Variants in ZNF592 observed in about 807,000 individuals in gnomAD.
ZNF592 encodes spinocerebellar ataxia, autosomal recessive 5.
In ZNF592, 11 loss-of-function variants were observed where a neutral mutation model predicts 80.3. The ratio of observed to expected loss-of-function variants is 0.14; its 90% CI spans 0.09 to 0.23. The LOEUF is 0.23. Ranked by LOEUF, ZNF592 falls within the 10% of genes least tolerant of loss-of-function variation. The pLI is 1.00. For synonymous variants in ZNF592, 646 were observed against 640.3 expected (o/e 1.01, Z -0.13); for missense variants, 1,420 against 1,633.9 (o/e 0.87, Z 2.26).
intron 1 of ZNF592, among the ~76,000 whole-genome samples, chr15:84,760,923 C>G (rs1899331385): frequency 6.6e-6 from 1 of 152,052 alleles, no homozygotes; most frequent in Non-Finnish European, 1.5e-5. Context: ...TTTTTGAAAG[C>G]CTGGCCCAGG....
At chr15:84,782,540 A>G (rs768159740) in intron 3 of ZNF592, 117 bp from the exon 4 acceptor site, 85 of 960,084 alleles carry the variant, frequency 8.9e-5, no homozygotes, top group Non-Finnish European at 2.5e-5. Context: ...CTGTCATAGT[A>G]TGTGGGGTTC....
rs374744820 is a variant in ZNF592 at position 84,802,306 on chromosome 15, C to T, written c.3717C>T (p.Ala1239=). 5.6e-6 allele frequency: 9 copies of T among 1,613,460 alleles called. No individual in the cohort carries two copies. The African/African-American group carries it at 1.2e-4, about 22-fold the overall frequency. ...AGGCGAGGAGATTGCTGGGCCCGGCCCCTGAGGACGATGGTGGCCACAATG... is the reference window on the plus strand; with the variant it reads ...AGGCGAGGAGATTGCTGGGCCCGGCTCCTGAGGACGATGGTGGCCACAATG... ...DPEARRLLGP[A]PEDDGGHNDH... The change falls in exon 11 of 11, where the codon GCC becomes GCT. Residue 1239 remains alanine, a synonymous_variant. Transcript: ENST00000560079.
At chr15:84,789,949 A>G (rs1023726999) in intron 4 of ZNF592, among the ~76,000 whole-genome samples, 17 of 152,218 alleles carry the variant, frequency 1.1e-4, no homozygotes, top group Middle Eastern at 3.4e-3. Context: ...TGCCCATCAG[A>G]GCGTAATTAG....
At chr15:84,775,850 G>C (rs1430172776) in intron 2 of ZNF592, among the ~76,000 whole-genome samples, 3 of 152,096 alleles carry the variant, frequency 2.0e-5, no homozygotes, top group African/African-American at 7.2e-5. Context: ...TAAATGTTTG[G>C]TAAAATTTTC....
chr15:84,762,224 A>C (rs1405235134), intron 1 of ZNF592, among the ~76,000 whole-genome samples: 2 of 152,242 alleles, frequency 1.3e-5, no homozygotes, highest in South Asian at 2.1e-4. Flanking sequence ...GTTTGTATGC[A>C]TTTATAGATA....
Position 84,804,441 on chromosome 15 carries a change from A to C in ZNF592, c.*2048A>C, listed in dbSNP as rs1329546982. 4 of 152,224 alleles carry C rather than the reference A, an allele frequency of 2.6e-5. No homozygotes were observed. Among genetic ancestry groups the C allele is most frequent in the African/African-American group, 4.8e-5 (2 of 41,454 alleles). 9.4% of individuals were successfully genotyped at this position (152,224 alleles called of 1,614,324 possible). A position where few individuals can be genotyped will look rare whatever the true frequency, so the allele number is the denominator to read the frequency against. On this transcript the variant is annotated 3_prime_UTR_variant, in exon 11 of 11. Transcript: ENST00000560079. ...TTGACCACCTGTCGTGACCCCAGAT[A>C]TACATCTCCTTCCTGGGAAGAACGT...
At position 84,805,138 on chromosome 15, in the gene ZNF592, AC is replaced by A. The variant is rs759705342; in HGVS notation, c.*2749del. The A allele has an allele frequency of 1.3e-5, 2 of 152,100 alleles. No individual in the cohort carries two copies. Among genetic ancestry groups the A allele is most frequent in the Non-Finnish European group, 2.9e-5 (2 of 68,034 alleles). 9.4% of individuals were successfully genotyped at this position (152,100 alleles called of 1,614,324 possible). Reference sequence around the variant, plus strand: ...CTTTGGAGTCCATCTGTGCCTTGTCACCCCAAGGAGGGCCTCGAGCATCACA... The same window carrying A: ...CTTTGGAGTCCATCTGTGCCTTGTCACCCAAGGAGGGCCTCGAGCATCACA... On this transcript the variant is annotated 3_prime_UTR_variant, in exon 11 of 11. Coordinates refer to ENST00000560079, the MANE Select transcript of ZNF592 (RefSeq NM_014630.3).
chr15:84,765,297 T>C (rs1177206874), intron 2 of ZNF592, among the ~76,000 whole-genome samples: 1 of 152,218 alleles, frequency 6.6e-6, no homozygotes, highest in Non-Finnish European at 1.5e-5. Flanking sequence ...ACTTCCACCT[T>C]TGAGTGTTAT....
In ZNF592 at chr15:84,798,571, G is replaced by A. The variant is rs202070993; in HGVS notation, c.2737-17G>A. On this transcript the variant is annotated splice_polypyrimidine_tract_variant and intron_variant, in intron 7 of 10. Transcript: ENST00000560079. The surrounding 1 kb of genome is among the most constrained non-coding windows in gnomAD (Gnocchi z 4.5). ...CTTTCCCCTTGCCCAGTCAGTAATC[G>A]CTCTCCCCATCCCCAGAGCACCCAC... The A allele has an allele frequency of 8.7e-6, 14 of 1,613,998 alleles. No individual in the cohort carries two copies. The highest frequency in any genetic ancestry group is 1.3e-5 in the African/African-American group (1 of 75,032).
chr15:84,784,966 G>C lies in ZNF592; in HGVS notation c.2220+71G>C, dbSNP rs1481148355. 1.3e-6 allele frequency: 2 copies of C among 1,553,028 alleles called. No individual in the cohort carries two copies. Among genetic ancestry groups the C allele is most frequent in the African/African-American group, 2.7e-5 (2 of 73,658 alleles). On this transcript the variant is annotated intron_variant, in intron 4 of 10. Transcript: ENST00000560079. This position sits in a 1 kb window ranked among gnomAD's most constrained non-coding sequence, Gnocchi z 5.8. ...CAGGTTCCATGACTGGGCATGGAGA[G>C]GAAAGCTCATTGATATGGGGGCAGT...
At position 84,784,064 on chromosome 15, in the gene ZNF592, C is replaced by T. The variant is rs748533693; in HGVS notation, c.1389C>T (p.Cys463=). 3.1e-6 allele frequency: 5 copies of T among 1,613,586 alleles called. No individual in the cohort carries two copies. In the South Asian group the frequency reaches 3.3e-5, roughly 11 times the overall value. Residue 463 remains cysteine, a synonymous_variant, in exon 4 of 11, where the codon TGC becomes TGT. Coordinates refer to ENST00000560079, the MANE Select transcript of ZNF592 (RefSeq NM_014630.3). This position sits in a 1 kb window ranked among gnomAD's most constrained non-coding sequence, Gnocchi z 5.8. ...TKASDSSSPS[C]SSGPRVPKGA... The stretch of plus-strand genomic sequence containing the variant: ...CCAGTGACTCGTCATCTCCCAGCTG[C>T]AGTTCTGGGCCCCGGGTCCCAAAGG...
At position 84,790,126 on chromosome 15, in the gene ZNF592, T is replaced by C. The variant is rs1177947149; in HGVS notation, c.2221-579T>C. On this transcript the variant is annotated intron_variant, in intron 4 of 10. Coordinates refer to ENST00000560079, the MANE Select transcript of ZNF592 (RefSeq NM_014630.3). ...CCCCACCCCCGCAACTCTCCTAACC[T>C]GCAGAGTGGGCAAACAGGGCTAGAG... Among the ~76,000 whole-genome samples, 5 of 93,482 alleles carry C rather than the reference T, an allele frequency of 5.3e-5. No individual in the cohort carries two copies. The Admixed American group carries it at 8.3e-4, about 16-fold the overall frequency. 61.3% of individuals were successfully genotyped at this position (93,482 alleles called of 152,430 possible).
chr15:84,797,761 G>T lies in ZNF592; in HGVS notation c.2400-108G>T. On this transcript the variant is annotated intron_variant, in intron 5 of 10. Transcript: ENST00000560079. The stretch of plus-strand genomic sequence containing the variant: ...CAAGTGATTGAGGGAGGGAGAAGGT[G>T]CCTGGATAGTTCTGTTCCTCTTCTC... The T allele has an allele frequency of 3.1e-6, 4 of 1,284,710 alleles. 1 individual carries two copies. Among genetic ancestry groups the T allele is most frequent in the South Asian group, 2.4e-5 (2 of 83,444 alleles). 79.6% of individuals were successfully genotyped at this position (1,284,710 alleles called of 1,614,324 possible). A position where few individuals can be genotyped will look rare whatever the true frequency, so the allele number is the denominator to read the frequency against.
At chr15:84,801,607 A>G (rs1400263637) in intron 10 of ZNF592, among the ~76,000 whole-genome samples, 1 of 152,242 alleles carries the variant, frequency 6.6e-6, no homozygotes, top group East Asian at 1.9e-4. Context: ...AACCCAGGTA[A>G]TATGTTCTTT....
In ZNF592 at chr15:84,785,034, AT is replaced by A. The variant is rs1387147863; in HGVS notation, c.2220+142del. ...CTTAGAAGAGGATGTCTGCCTGAAT[AT>A]TTAGTGTTTGGTGTTTGTTGGAAAA... On this transcript the variant is annotated intron_variant, in intron 4 of 10. Transcript: ENST00000560079. 4 of 1,071,604 alleles carry A rather than the reference AT, an allele frequency of 3.7e-6. No homozygotes were observed. The Admixed American group carries it at 7.8e-5, about 21-fold the overall frequency. 66.4% of individuals were successfully genotyped at this position (1,071,604 alleles called of 1,614,324 possible).
intron 2 of ZNF592, among the ~76,000 whole-genome samples, chr15:84,774,694 G>C (rs1257332197): frequency 2.0e-5 from 3 of 151,942 alleles, no homozygotes; most frequent in Non-Finnish European, 4.4e-5. Flanking sequence ...TTTTTGGTGG[G>C]ATCTTAGCAT....
intron 4 of ZNF592, among the ~76,000 whole-genome samples, chr15:84,787,123 AT>A (rs974007840): frequency 1.3e-5 from 2 of 152,056 alleles, no homozygotes; most frequent in African/African-American, 4.8e-5. Flanking sequence ...AAGTGCTGGG[AT>A]TACAGGCATG....
intron 2 of ZNF592, among the ~76,000 whole-genome samples, chr15:84,766,215 T>TG (rs1317645841): frequency 1.3e-5 from 2 of 152,132 alleles, no homozygotes; most frequent in African/African-American, 4.8e-5. Flanking sequence ...GTCCCCTCCT[T>TG]GCTGTCTTCC....
chr15:84,772,048 C>G (rs1962096099), intron 2 of ZNF592, among the ~76,000 whole-genome samples: 1 of 152,188 alleles, frequency 6.6e-6, no homozygotes, highest in Admixed American at 6.5e-5. Context: ...GGTCTTCACA[C>G]AAGTAACTAT....
Sources: allele counts gnomAD v4.1 joint callset (sites outside exome capture counted in the v4.1 genomes callset), GRCh38; gene constraint gnomAD v4.1.1; non-coding constraint Gnocchi (gnomAD v3.1); transcripts MANE v1.5; gene names NCBI Gene and HGNC (gene_info 2026-07-23, HGNC 2026-07-21).